MAML2: variants seen among roughly 807,000 people sequenced by gnomAD.
The protein encoded by MAML2 is mastermind-like protein 2.
MAML2 carries 22 observed loss-of-function variants against 96.1 expected under a neutral mutation model. The ratio of observed to expected loss-of-function variants is 0.23; its 90% CI spans 0.16 to 0.33. The LOEUF (loss-of-function observed/expected upper bound fraction) is 0.33, where lower values mean the gene tolerates loss of function less well. Among genes scored for constraint, MAML2 ranks in the 10% least tolerant of loss-of-function variants. MAML2 has a pLI of 1.00. For synonymous variants in MAML2, 561 were observed against 521.3 expected (o/e 1.08, Z -1.04); for missense variants, 1,367 against 1,392.4 (o/e 0.98, Z 0.29).
chr11:96,122,866 A>G (rs1243528752), intron 1 of MAML2, among the ~76,000 whole-genome samples: 1 of 152,232 alleles, frequency 6.6e-6, no homozygotes, highest in African/African-American at 2.4e-5. Flanking sequence ...TGCATTATGC[A>G]TAGTGAATAT....
intron 1 of MAML2, among the ~76,000 whole-genome samples, chr11:96,219,389 A>C (rs1362216265): frequency 6.6e-6 from 1 of 152,174 alleles, no homozygotes; most frequent in Non-Finnish European, 1.5e-5. Context: ...GTTCTTTGCC[A>C]CCTCAACTCT....
intron 2 of MAML2, among the ~76,000 whole-genome samples, chr11:96,087,305 A>G (rs1290279865): frequency 6.6e-6 from 1 of 152,224 alleles, no homozygotes; most frequent in African/African-American, 2.4e-5. Flanking sequence ...AATTCACTCT[A>G]CATTCTAGTC....
intron 1 of MAML2, among the ~76,000 whole-genome samples, chr11:96,128,129 C>T (rs1860482022): frequency 6.6e-6 from 1 of 152,124 alleles, no homozygotes; most frequent in Non-Finnish European, 1.5e-5. Flanking sequence ...TGCAGTGGCT[C>T]ACGTCTGTAA....
chr11:96,296,660 A>T (rs180788584), intron 1 of MAML2, among the ~76,000 whole-genome samples: 12 of 152,074 alleles, frequency 7.9e-5, no homozygotes, highest in African/African-American at 1.2e-4. Context: ...ATAAAATTAA[A>T]TAAATAAATA....
At chr11:96,018,376 G>A (rs2135734404) in intron 2 of MAML2, among the ~76,000 whole-genome samples, 1 of 152,296 alleles carries the variant, frequency 6.6e-6, no homozygotes, top group Non-Finnish European at 1.5e-5. Flanking sequence ...TAGAAATTTA[G>A]GAGTTGTCAG....
chr11:96,273,741 A>G (rs1862945741), intron 1 of MAML2, among the ~76,000 whole-genome samples: 1 of 152,168 alleles, frequency 6.6e-6, no homozygotes, highest in South Asian at 2.1e-4. Flanking sequence ...TAAATTATTG[A>G]GATTTAAATA....
intron 1 of MAML2, among the ~76,000 whole-genome samples, chr11:96,155,509 A>AATACATACATAT (rs541216405): frequency 2.7e-5 from 2 of 74,848 alleles, no homozygotes; most frequent in Admixed American, 1.5e-4. Context: ...TAACAATTCA[A>AATACATACATAT]ATATATATAT....
chr11:96,068,625 G>A (rs1385014321), intron 2 of MAML2, among the ~76,000 whole-genome samples: 3 of 151,962 alleles, frequency 2.0e-5, no homozygotes, highest in African/African-American at 4.8e-5. Context: ...TCAGGAGATC[G>A]AGACCATCCT....
intron 1 of MAML2, among the ~76,000 whole-genome samples, chr11:96,222,269 T>C (rs1176812556): frequency 2.0e-5 from 3 of 152,190 alleles, no homozygotes; most frequent in Non-Finnish European, 4.4e-5. Context: ...ACGCTGAATA[T>C]GTTTATTAAA....
rs1039749538 is a variant in MAML2 at position 96,133,164 on chromosome 11, A to C, written c.514-39647T>G. ...GATATTTCTTGATAACTTTTATCCA[A>C]GGTACTTAAATTTCAAACATAATGA... On this transcript the variant is annotated intron_variant, in intron 1 of 4. Coordinates refer to ENST00000524717, the MANE Select transcript of MAML2 (RefSeq NM_032427.4). 2.0e-5 allele frequency among the ~76,000 whole-genome samples: 3 copies of C among 152,180 alleles called. No individual in the cohort carries two copies. The East Asian group carries it at 5.8e-4, about 29-fold the overall frequency.
intron 1 of MAML2, among the ~76,000 whole-genome samples, chr11:96,104,050 A>G (rs1732414697): frequency 6.6e-6 from 1 of 152,180 alleles, no homozygotes; most frequent in Admixed American, 6.5e-5. Flanking sequence ...CCTCACAGAG[A>G]TATTCCATGG....
intron 1 of MAML2, among the ~76,000 whole-genome samples, chr11:96,184,331 T>C (rs1356444015): frequency 4.0e-5 from 6 of 151,850 alleles, no homozygotes; most frequent in Admixed American, 2.0e-4. Flanking sequence ...TCCCAGCTAC[T>C]CAGGAGGCTG....
intron 4 of MAML2, among the ~76,000 whole-genome samples, chr11:95,982,067 C>T (rs1267797425): frequency 2.0e-5 from 3 of 152,196 alleles, no homozygotes; most frequent in Admixed American, 6.5e-5. Flanking sequence ...GAAAGGTAAT[C>T]ATTATTGTAC....
chr11:96,219,508 G>A (rs907057549), intron 1 of MAML2, among the ~76,000 whole-genome samples: 1 of 152,140 alleles, frequency 6.6e-6, no homozygotes, highest in Non-Finnish European at 1.5e-5. Context: ...GATAGTAGAA[G>A]CCTTGCACCG....
chr11:96,009,469 A>T (rs1329821039), intron 2 of MAML2, among the ~76,000 whole-genome samples: 1 of 151,742 alleles, frequency 6.6e-6, no homozygotes, highest in Non-Finnish European at 1.5e-5. Flanking sequence ...AGCACTAAAG[A>T]TCTGAATAAT....
intron 1 of MAML2, among the ~76,000 whole-genome samples, chr11:96,208,593 A>G (rs1331850117): frequency 1.3e-5 from 2 of 152,220 alleles, no homozygotes; most frequent in African/African-American, 2.4e-5. Flanking sequence ...GATATATTAA[A>G]TGAGATGAAT....
intron 2 of MAML2, among the ~76,000 whole-genome samples, chr11:96,085,679 A>G (rs1473613942): frequency 1.3e-5 from 2 of 152,178 alleles, no homozygotes; most frequent in African/African-American, 4.8e-5. Flanking sequence ...TAACTTACCC[A>G]CTAATGCTTT....
chr11:96,046,336 GT>G (rs543825691), intron 2 of MAML2, among the ~76,000 whole-genome samples: 1 of 151,646 alleles, frequency 6.6e-6, no homozygotes. Flanking sequence ...GGATGGAAGG[GT>G]TTTTTTTGTT....
At chr11:96,098,502 T>A (rs1004309126) in intron 1 of MAML2, among the ~76,000 whole-genome samples, 1 of 152,224 alleles carries the variant, frequency 6.6e-6, no homozygotes, top group African/African-American at 2.4e-5. Flanking sequence ...AATATCACCC[T>A]TTCACTGGCC....
Sources: gnomAD v4.1 joint callset for allele counts (sites outside exome capture counted in the v4.1 genomes callset) on GRCh38, gnomAD v4.1.1 for gene constraint, MANE v1.5 for transcripts, NCBI Gene and HGNC (gene_info 2026-07-23, HGNC 2026-07-21) for gene names.